The following APTX variants were observed in gnomAD, a reference collection of about 807,000 sequenced individuals.
APTX encodes forkhead-associated domain histidine triad-like protein.
A neutral mutation model predicts 42.3 loss-of-function variants in APTX; 33 were observed. That is an observed-to-expected ratio of 0.78 (90% confidence interval 0.59 to 1.04). The LOEUF (loss-of-function observed/expected upper bound fraction) is 1.04, where lower values mean the gene tolerates loss of function less well. APTX is among the 50% of genes least tolerant of loss of function. APTX has a pLI of 0.00. For missense variants in APTX, 421 were observed against 415.1 expected (o/e 1.01, Z -0.12); for synonymous variants, 130 against 146.7 (o/e 0.89, Z 0.82).
intron 1 of APTX, among the ~76,000 whole-genome samples, chr9:33,009,881 A>G (rs78317521): frequency 0.07 from 10,729 of 152,262 alleles, 516 homozygotes; most frequent in Non-Finnish European, 0.11. Context: ...TCCTTTACCA[A>G]TGCTCATCAA....
chr9:33,018,118 A>ATTT (rs557047910), intron 1 of APTX, among the ~76,000 whole-genome samples: 10,018 of 144,486 alleles, frequency 0.069, 474 homozygotes, highest in Non-Finnish European at 0.11. Flanking sequence ...TTTTTATTTA[A>ATTT]TTTTTTTTTT....
At position 32,981,934 on chromosome 9, in the gene APTX, C is replaced by A. The variant is rs76904710; in HGVS notation, c.770+2697G>T. On this transcript the variant is annotated intron_variant, in intron 6 of 7. Transcript: ENST00000379817. Reference sequence around the variant, plus strand: ...CAATAGATGCTAAAATCATTGGGTGCGAGTTTGAGGAGAAATAGTAGTATA... The same window carrying A: ...CAATAGATGCTAAAATCATTGGGTGAGAGTTTGAGGAGAAATAGTAGTATA... Among the ~76,000 whole-genome samples the A allele has an allele frequency of 3.9e-3, 594 of 150,880 alleles. 24 individuals are homozygous for A. In the East Asian group the frequency reaches 0.057, roughly 15 times the overall value.
chr9:32,981,641 T>C (rs1830702867), intron 6 of APTX, among the ~76,000 whole-genome samples: 3 of 152,162 alleles, frequency 2.0e-5, no homozygotes, highest in African/African-American at 7.2e-5. Context: ...GTTGAAGGCG[T>C]ATCTAAGTGA....
In APTX at chr9:32,984,769, G is replaced by A. The variant is rs1831510842; in HGVS notation, c.632C>T (p.Ser211Phe). The A allele has an allele frequency of 6.2e-7, 1 of 1,614,190 alleles. No homozygotes were observed. Among genetic ancestry groups the A allele is most frequent in the Non-Finnish European group, 8.5e-7 (1 of 1,180,026 alleles). The change falls in exon 6 of 8, where the codon TCC (serine) becomes TTC (phenylalanine). Residue 211 changes from serine to phenylalanine, a missense_variant. Ser to Phe is a radical substitution (Grantham distance 155). Coordinates refer to ENST00000379817, the MANE Select transcript of APTX (RefSeq NM_001195248.2). Reference protein sequence around the residue: ...HWLVLPWTSISSLKAVAREHL... With the variant: ...HWLVLPWTSIFSLKAVAREHL... ...TTCCCTGGCCACAGCCTTCAGACTG[G>A]AAATGGAGGTCCACGGTAAGACCAG...
At chr9:32,997,478 GA>G in intron 1 of APTX, 1 of 152,328 alleles carries the variant, frequency 6.6e-6, no homozygotes, top group Non-Finnish European at 1.5e-5. Flanking sequence ...GAGGTGTCAG[GA>G]AAAAATTTCC....
At chr9:33,019,082 C>T (rs555038116) in intron 1 of APTX, among the ~76,000 whole-genome samples, 6 of 152,188 alleles carry the variant, frequency 3.9e-5, no homozygotes, top group South Asian at 2.1e-4. Flanking sequence ...AATGTATCAA[C>T]GTTGATTCAT....
At chr9:33,007,019 A>AG (rs1837203351) in intron 1 of APTX, among the ~76,000 whole-genome samples, 1 of 145,132 alleles carries the variant, frequency 6.9e-6, no homozygotes, top group African/African-American at 2.6e-5. Context: ...AAAAAAAAAA[A>AG]AAAAGAAAGA....
At chr9:33,004,322 G>C (rs748087912), upstream of APTX, among the ~76,000 whole-genome samples, 2 of 152,122 alleles carry the variant, frequency 1.3e-5, no homozygotes, top group Admixed American at 1.3e-4. Context: ...CATATTGGGT[G>C]TAACTATTAC....
intron 1 of APTX, among the ~76,000 whole-genome samples, chr9:32,997,666 G>A (rs1835270087): frequency 6.6e-6 from 1 of 152,206 alleles, no homozygotes; most frequent in African/African-American, 2.4e-5. Flanking sequence ...CAGTACCCAT[G>A]AAGATGCCAT....
intron 5 of APTX, 73 bp from the exon 6 acceptor site, chr9:32,984,930 C>G: frequency 7.4e-7 from 1 of 1,360,250 alleles, no homozygotes; most frequent in Non-Finnish European, 1.0e-6. Flanking sequence ...GTTATATTCA[C>G]TAAGTCACTT....
At chr9:33,024,701 A>C (rs1326480877) in intron 1 of APTX, 1 of 152,180 alleles carries the variant, frequency 6.6e-6, no homozygotes, top group Non-Finnish European at 1.5e-5. Context: ...TTGCACAAAA[A>C]GCCTTAACAA....
intron 6 of APTX, among the ~76,000 whole-genome samples, chr9:32,981,391 G>C (rs911113077): frequency 2.6e-5 from 4 of 152,070 alleles, no homozygotes; most frequent in African/African-American, 7.2e-5. Flanking sequence ...TACAAATAAA[G>C]GTAGATAAAC....
At position 33,019,983 on chromosome 9, in the gene APTX, C is replaced by T. The variant is rs73478827; in HGVS notation, c.-5+5040G>A. On this transcript the variant is annotated intron_variant, in intron 1 of 6. Coordinates refer to the APTX transcript ENST00000436040. ...CGCATTCCTGGCCCTTGGCCACAGA[C>T]GCTGCGTTTCTGCTAGGACCTGACA... 971 of 416,596 alleles carry T rather than the reference C, an allele frequency of 2.3e-3. 11 individuals carry two copies. Among genetic ancestry groups the T allele is most frequent in the South Asian group, 0.014 (161 of 11,680 alleles). 25.8% of individuals were successfully genotyped at this position (416,596 alleles called of 1,614,324 possible). A position where few individuals can be genotyped will look rare whatever the true frequency, so the allele number is the denominator to read the frequency against.
At chr9:33,019,755 G>A in intron 1 of APTX, 1 of 593,778 alleles carries the variant, frequency 1.7e-6, no homozygotes, top group Non-Finnish European at 2.9e-6. Context: ...ACCAGAGAAA[G>A]ATGGTCGAGA....
intron 4 of APTX, among the ~76,000 whole-genome samples, chr9:32,987,287 T>C (rs1832415594): frequency 6.6e-6 from 1 of 152,238 alleles, no homozygotes; most frequent in South Asian, 2.1e-4. Context: ...CATAAACAAC[T>C]GATCCACTTT....
rs575989928 is a variant in APTX at position 33,001,522 on chromosome 9, C to G, written c.-5+45G>C. The G allele has an allele frequency of 3.1e-6, 5 of 1,612,814 alleles. No homozygotes were observed. In the African/African-American group the frequency reaches 5.3e-5, roughly 17 times the overall value. On this transcript the variant is annotated intron_variant, in intron 1 of 7. Coordinates refer to ENST00000379817, the MANE Select transcript of APTX (RefSeq NM_001195248.2). ...GCCTCGGCCGAACGCTCACCCGCGG[C>G]ATTGAGCCCAGCCAGCAGAAGAGAT...
At chr9:32,995,541 G>A (rs751414341) in intron 1 of APTX, among the ~76,000 whole-genome samples, 107 of 152,174 alleles carry the variant, frequency 7.0e-4, no homozygotes, top group Non-Finnish European at 1.2e-3. Context: ...CAAAGAAAAC[G>A]GTCTCTTGAG....
chr9:32,992,788 T>C (rs536050393), intron 1 of APTX, among the ~76,000 whole-genome samples: 9 of 152,236 alleles, frequency 5.9e-5, no homozygotes, highest in East Asian at 3.9e-4. Flanking sequence ...GCTGTTAATA[T>C]AACGTGAGCC....
intron 1 of APTX, among the ~76,000 whole-genome samples, chr9:33,015,323 A>T (rs1415515230): frequency 6.6e-6 from 1 of 152,194 alleles, no homozygotes; most frequent in Admixed American, 6.5e-5. Flanking sequence ...AAGGCATTAG[A>T]GAAGATCTTG....
Sources: allele counts gnomAD v4.1 joint callset (sites outside exome capture counted in the v4.1 genomes callset), GRCh38; gene constraint gnomAD v4.1.1; transcripts MANE v1.5; gene names NCBI Gene and HGNC (gene_info 2026-07-23, HGNC 2026-07-21).